Variants in ABCA1 observed in about 807,000 individuals in gnomAD.
The protein encoded by ABCA1 is phospholipid-transporting ATPase ABCA1.
A neutral mutation model predicts 262.5 loss-of-function variants in ABCA1; 133 were observed. That is an observed-to-expected ratio of 0.51 (90% CI 0.44 to 0.59). The LOEUF (loss-of-function observed/expected upper bound fraction) is 0.59, where lower values mean the gene tolerates loss of function less well. Among genes scored for constraint, ABCA1 ranks in the 20% least tolerant of loss-of-function variants. ABCA1 has a pLI of 0.00. For synonymous variants in ABCA1, 1,022 were observed against 1,043.5 expected (o/e 0.98, Z 0.40); for missense variants, 2,452 against 2,777.5 (o/e 0.88, Z 2.63).
At chr9:104,915,084 G>T (rs1466526197) in intron 1 of ABCA1, among the ~76,000 whole-genome samples, 1 of 152,146 alleles carries the variant, frequency 6.6e-6, no homozygotes, top group Non-Finnish European at 1.5e-5. Context: ...GGAACTCAGG[G>T]AGCCTATAAA....
intron 19 of ABCA1, 110 bp from the exon 20 acceptor site, chr9:104,821,616 A>G (rs913971213): frequency 7.7e-7 from 1 of 1,297,310 alleles, no homozygotes. Flanking sequence ...CACCGCCCCC[A>G]TTCCTTTCTA....
chr9:104,884,667 C>T (rs189024153), intron 3 of ABCA1, 99 bp from the exon 4 acceptor site: 33 of 1,394,932 alleles, frequency 2.4e-5, no homozygotes, highest in Admixed American at 1.0e-4. Context: ...CAAGTCTGTC[C>T]GTCCCATTCC....
intron 2 of ABCA1, among the ~76,000 whole-genome samples, chr9:104,898,840 C>T (rs568887606): frequency 9.2e-5 from 14 of 152,244 alleles, no homozygotes; most frequent in Admixed American, 5.2e-4. Context: ...TTTAATGTGA[C>T]AACCTGTCAA....
At chr9:104,827,768 A>G (rs1186603405) in intron 15 of ABCA1, among the ~76,000 whole-genome samples, 1 of 152,198 alleles carries the variant, frequency 6.6e-6, no homozygotes, top group Non-Finnish European at 1.5e-5. Context: ...CCTTGCAGTT[A>G]GATAACAGAG....
rs1434544985 is a variant in ABCA1, at chr9:104,817,722, G to C, written c.3463-318C>G. Among the ~76,000 whole-genome samples, 2 of 152,234 alleles carry C rather than the reference G, an allele frequency of 1.3e-5. No individual in the cohort carries two copies. Among genetic ancestry groups the C allele is most frequent in the East Asian group, 3.8e-4 (2 of 5,202 alleles). ...AGGCCTTTACCTGGCTACATGTCTA[G>C]TTCAATGCTTCTCATGCTTTAATGT... is the stretch of plus-strand genomic sequence containing the variant. On this transcript the variant is annotated intron_variant, in intron 23 of 49. Transcript: ENST00000374736. This position sits in a 1 kb window ranked among gnomAD's most constrained non-coding sequence, Gnocchi z 4.7.
At chr9:104,901,052 G>A (rs149269974) in intron 2 of ABCA1, among the ~76,000 whole-genome samples, 1 of 152,140 alleles carries the variant, frequency 6.6e-6, no homozygotes, top group African/African-American at 2.4e-5. Flanking sequence ...GCAATACCAA[G>A]CAAGAAGCAA....
rs1407526873 is a variant in ABCA1 at position 104,889,195 on chromosome 9, A to G, written c.67T>C (p.Cys23Arg). 1 of 1,613,884 alleles carries G rather than the reference A, an allele frequency of 6.2e-7. No homozygotes were observed. The highest frequency in any genetic ancestry group is 8.5e-7 in the Non-Finnish European group (1 of 1,179,876). The change falls in exon 3 of 50, where the codon TGT becomes CGT. Residue 23 changes from cysteine to arginine, a missense_variant and splice_region_variant. Transcript: ENST00000374736. ...KNLTFRRRQT[C>R]QLLLEVAWPL... ...CAGGCCACTTCCAGCAGCAGCTGAC[A>G]CTGAGTGGGAAATAAGATAGAACAC...
chr9:104,823,767 A>C (rs1401075126), intron 18 of ABCA1, among the ~76,000 whole-genome samples: 1 of 152,176 alleles, frequency 6.6e-6, no homozygotes, highest in African/African-American at 2.4e-5. Flanking sequence ...TAGGTGACTG[A>C]AACAGGAGCT....
intron 32 of ABCA1, among the ~76,000 whole-genome samples, chr9:104,803,917 T>C (rs1757195563): frequency 6.6e-6 from 1 of 152,164 alleles, no homozygotes. Flanking sequence ...TAGAAGCTTT[T>C]TCAATTAACA....
chr9:104,815,212 G>A (rs1330086067), intron 25 of ABCA1, among the ~76,000 whole-genome samples: 1 of 152,182 alleles, frequency 6.6e-6, no homozygotes, highest in African/African-American at 2.4e-5. Flanking sequence ...CATCAGAAGA[G>A]AATCTGAATG....
rs944318256 is a variant in ABCA1 at position 104,831,619 on chromosome 9, T to C, written c.1715+3A>G. Reference sequence around the variant, plus strand: ...CAGGCTGGTGTGATGGGATTCCACTTACCCATCCTTGATTTTATTTGTCCT... The same window carrying C: ...CAGGCTGGTGTGATGGGATTCCACTCACCCATCCTTGATTTTATTTGTCCT... On this transcript the variant is annotated splice_donor_region_variant and intron_variant, in intron 13 of 49. Transcript: ENST00000374736. 6.8e-6 allele frequency: 11 copies of C among 1,611,622 alleles called. No individual in the cohort carries two copies. The highest frequency in any genetic ancestry group is 9.3e-6 in the Non-Finnish European group (11 of 1,178,124).
chr9:104,873,813 T>G (rs562457300), intron 5 of ABCA1, among the ~76,000 whole-genome samples: 1 of 152,292 alleles, frequency 6.6e-6, no homozygotes, highest in East Asian at 1.9e-4. Flanking sequence ...ACAATAGTCC[T>G]GAGGGAGGTA....
intron 48 of ABCA1, 86 bp from the exon 49 acceptor site, chr9:104,785,725 A>T: frequency 6.4e-7 from 1 of 1,570,636 alleles, no homozygotes. Context: ...AACTTGTGCC[A>T]TGAAAAAGGG....
Position 104,901,714 on chromosome 9 carries a change from A to G in ABCA1, c.66+1900T>C, listed in dbSNP as rs1840680994. Reference sequence around the variant, plus strand: ...ACACCACTGAAAAGCGATTAGGCACATTGAGTTAGAGTGCCAGCTCCAAAG... The same window carrying G: ...ACACCACTGAAAAGCGATTAGGCACGTTGAGTTAGAGTGCCAGCTCCAAAG... On this transcript the variant is annotated intron_variant, in intron 2 of 49. Coordinates refer to ENST00000374736, the MANE Select transcript of ABCA1 (RefSeq NM_005502.4). Among the ~76,000 whole-genome samples, 3 of 152,196 alleles carry G rather than the reference A, an allele frequency of 2.0e-5. No individual in the cohort carries two copies. The South Asian group carries it at 6.2e-4, about 32-fold the overall frequency.
rs564526516 is a variant in ABCA1, at chr9:104,911,931, G to A, written c.-92-8160C>T. On this transcript the variant is annotated intron_variant, in intron 1 of 49. Coordinates refer to ENST00000374736, the MANE Select transcript of ABCA1 (RefSeq NM_005502.4). Reference sequence around the variant, plus strand: ...AAGAGGTTCTGCTATCACACTGTCCGTTTAAAAATATATAGATCCAGTGAA... The same window carrying A: ...AAGAGGTTCTGCTATCACACTGTCCATTTAAAAATATATAGATCCAGTGAA... 7.0e-4 allele frequency among the ~76,000 whole-genome samples: 107 copies of A among 152,270 alleles called. 1 individual carries two copies. Among genetic ancestry groups the A allele is most frequent in the Non-Finnish European group, 1.1e-3 (72 of 68,006 alleles).
chr9:104,800,373 C>T (rs1797586398), intron 35 of ABCA1, 137 bp downstream of exon 35: 3 of 816,904 alleles, frequency 3.7e-6, no homozygotes, highest in African/African-American at 1.7e-5. Flanking sequence ...CACCGTACTG[C>T]CTCACTGGTA....
intron 1 of ABCA1, among the ~76,000 whole-genome samples, chr9:104,908,989 A>T (rs1202617050): frequency 6.6e-6 from 1 of 152,186 alleles, no homozygotes; most frequent in Non-Finnish European, 1.5e-5. Context: ...TACTGTGGTA[A>T]ATTACACATC....
chr9:104,883,636 T>A (rs1287286308), intron 4 of ABCA1, among the ~76,000 whole-genome samples: 2 of 152,220 alleles, frequency 1.3e-5, no homozygotes, highest in East Asian at 3.9e-4. Context: ...AATGCAGTCA[T>A]GAAATATAAT....
At chr9:104,927,080 C>T (rs1458743762) in intron 1 of ABCA1, among the ~76,000 whole-genome samples, 16 of 151,876 alleles carry the variant, frequency 1.1e-4, no homozygotes. Context: ...GATGTGGTGA[C>T]GCGCCTGTAA....
Sources: allele counts gnomAD v4.1 joint callset (sites outside exome capture counted in the v4.1 genomes callset), GRCh38; gene constraint gnomAD v4.1.1; non-coding constraint Gnocchi (gnomAD v3.1); transcripts MANE v1.5; gene names NCBI Gene and HGNC (gene_info 2026-07-23, HGNC 2026-07-21).